The following AIG1 variants were observed in gnomAD, a reference collection of about 807,000 sequenced individuals.
The protein encoded by AIG1 is androgen induced 1.
A neutral mutation model predicts 31.4 loss-of-function variants in AIG1; 23 were observed. That is an observed-to-expected ratio of 0.73 (90% confidence interval 0.53 to 1.04). The LOEUF (loss-of-function observed/expected upper bound fraction) is 1.04, where lower values mean the gene tolerates loss of function less well. AIG1 is among the 50% of genes least tolerant of loss of function. AIG1 has a pLI of 0.00. For synonymous variants in AIG1, 100 were observed against 110.5 expected (o/e 0.90, Z 0.60); for missense variants, 274 against 295.0 (o/e 0.93, Z 0.52).
Position 143,293,800 on chromosome 6 carries a change from A to G in AIG1, c.515+9575A>G, listed in dbSNP as rs543476741. ...CCCACTCCCCAGCTTCCCTACAGCC[A>G]TGCCTACACCACTGCTTCTTTTCCC... On this transcript the variant is annotated intron_variant, in intron 4 of 5. Transcript: ENST00000357847. The surrounding 1 kb of genome is among the most constrained non-coding windows in gnomAD (Gnocchi z 4.8). 1.3e-5 allele frequency among the ~76,000 whole-genome samples: 2 copies of G among 152,174 alleles called. No homozygotes were observed. The highest frequency in any genetic ancestry group is 4.8e-5 in the African/African-American group (2 of 41,512).
At chr6:143,238,525 C>G (rs985769886) in intron 3 of AIG1, among the ~76,000 whole-genome samples, 1 of 152,174 alleles carries the variant, frequency 6.6e-6, no homozygotes, top group Non-Finnish European at 1.5e-5. Context: ...CCAATCATAA[C>G]TTGTCCTTTG....
intron 2 of AIG1, among the ~76,000 whole-genome samples, chr6:143,163,911 G>A (rs1317886957): frequency 6.6e-6 from 1 of 151,960 alleles, no homozygotes; most frequent in Non-Finnish European, 1.5e-5. Flanking sequence ...CCTGTTACAT[G>A]TCTCAGGCAG....
chr6:143,337,046 G>C (rs1312984974), intron 5 of AIG1, among the ~76,000 whole-genome samples: 2 of 152,188 alleles, frequency 1.3e-5, no homozygotes, highest in African/African-American at 4.8e-5. Flanking sequence ...GGGCTCACAG[G>C]GGAGGGGATG....
chr6:143,116,864 A>G (rs886411603), intron 1 of AIG1, among the ~76,000 whole-genome samples: 7 of 151,970 alleles, frequency 4.6e-5, no homozygotes, highest in African/African-American at 1.7e-4. Context: ...CACCCTCTCC[A>G]TAATGACCTC....
intron 1 of AIG1, among the ~76,000 whole-genome samples, chr6:143,104,756 T>G (rs755309986): frequency 2.6e-5 from 4 of 151,886 alleles, no homozygotes; most frequent in Admixed American, 6.6e-5. Flanking sequence ...AATAAAAAAT[T>G]AGCTGAGCAT....
intron 3 of AIG1, among the ~76,000 whole-genome samples, chr6:143,170,654 A>G (rs1787417547): frequency 6.8e-6 from 1 of 147,094 alleles, no homozygotes; most frequent in African/African-American, 2.5e-5. Flanking sequence ...GGTATTTATT[A>G]TTTCTTTCCT....
At chr6:143,229,982 C>G in intron 3 of AIG1, among the ~76,000 whole-genome samples, 1 of 152,104 alleles carries the variant, frequency 6.6e-6, no homozygotes, top group East Asian at 1.9e-4. Flanking sequence ...AAATGTGATC[C>G]TGAGCTCATA....
At chr6:143,076,126 T>C (rs1197300699) in intron 1 of AIG1, among the ~76,000 whole-genome samples, 1 of 152,222 alleles carries the variant, frequency 6.6e-6, no homozygotes, top group African/African-American at 2.4e-5. Flanking sequence ...TCTTGCTTGT[T>C]TTCTGGGTCT....
At chr6:143,269,617 C>A (rs923468559) in intron 3 of AIG1, among the ~76,000 whole-genome samples, 5 of 152,186 alleles carry the variant, frequency 3.3e-5, no homozygotes, top group African/African-American at 1.2e-4. Flanking sequence ...ATTATAGTCA[C>A]ACAATGGAGT....
At chr6:143,276,999 A>C (rs1344030268) in intron 3 of AIG1, among the ~76,000 whole-genome samples, 2 of 152,168 alleles carry the variant, frequency 1.3e-5, no homozygotes, top group African/African-American at 4.8e-5. Flanking sequence ...GTTTTCCTGT[A>C]TTCTTCGAAC....
chr6:143,322,291 A>C (rs1331681137), intron 4 of AIG1, among the ~76,000 whole-genome samples: 2 of 152,182 alleles, frequency 1.3e-5, no homozygotes, highest in Non-Finnish European at 2.9e-5. Flanking sequence ...AGAGAGAGAC[A>C]CTGAAGATAA....
intron 1 of AIG1, among the ~76,000 whole-genome samples, chr6:143,064,628 C>A (rs1022383281): frequency 6.6e-6 from 1 of 152,182 alleles, no homozygotes; most frequent in Non-Finnish European, 1.5e-5. Context: ...AAACTTAACT[C>A]TTTTTGTACT....
chr6:143,318,978 G>A (rs958996449), intron 4 of AIG1, among the ~76,000 whole-genome samples: 1 of 152,026 alleles, frequency 6.6e-6, no homozygotes, highest in Admixed American at 6.6e-5. Flanking sequence ...AAAAATAATA[G>A]ATGTTGGCCT....
At position 143,136,988 on chromosome 6, in the gene AIG1, G is replaced by T; in HGVS notation, c.295G>T (p.Val99Phe). ...MLAVLAFPVG[V>F]FVVAVFWIIY... The stretch of plus-strand genomic sequence containing the variant: ...AGCTGTGTTGGCCTTTCCTGTTGGG[G>T]TTGTGAGTATGATGGAGGATGCATT... Residue 99 changes from valine to phenylalanine, a missense_variant and splice_region_variant, in exon 2 of 6, where the codon GTT becomes TTT. Transcript: ENST00000357847. The T allele has an allele frequency of 2.8e-6, 4 of 1,417,164 alleles. No individual in the cohort carries two copies. Among genetic ancestry groups the T allele is most frequent in the Middle Eastern group, 1.9e-4 (1 of 5,324 alleles). The allele number at this position is 1,417,164 out of a possible 1,614,324, so 87.8% of individuals were successfully genotyped here. A position where few individuals can be genotyped will look rare whatever the true frequency, so the allele number is the denominator to read the frequency against.
chr6:143,151,037 C>T (rs1012281251), intron 2 of AIG1, among the ~76,000 whole-genome samples: 1 of 152,130 alleles, frequency 6.6e-6, no homozygotes, highest in Non-Finnish European at 1.5e-5. Flanking sequence ...ATTGCAGACT[C>T]GTGGACAGTA....
At chr6:143,092,552 G>C (rs1583148540) in intron 1 of AIG1, among the ~76,000 whole-genome samples, 1 of 152,180 alleles carries the variant, frequency 6.6e-6, no homozygotes, top group Non-Finnish European at 1.5e-5. Context: ...TGGGTGACTA[G>C]GTGCATTGTC....
intron 4 of AIG1, among the ~76,000 whole-genome samples, chr6:143,323,675 C>T (rs929444021): frequency 2.6e-5 from 4 of 152,100 alleles, no homozygotes; most frequent in South Asian, 2.1e-4. Flanking sequence ...ATTCCTGGGA[C>T]CTACAGGCTG....
chr6:143,169,390 CAA>C (rs1787277605), intron 3 of AIG1, among the ~76,000 whole-genome samples: 1 of 152,034 alleles, frequency 6.6e-6, no homozygotes, highest in South Asian at 2.1e-4. Flanking sequence ...GTGTAATGGC[CAA>C]ATCAGGGTAA....
chr6:143,310,842 C>A (rs1426325139), intron 4 of AIG1, among the ~76,000 whole-genome samples: 1 of 151,632 alleles, frequency 6.6e-6, no homozygotes, highest in Admixed American at 6.6e-5. Context: ...ATTTGATAAT[C>A]TAGATAAAAT....
Sources: allele counts gnomAD v4.1 joint callset (sites outside exome capture counted in the v4.1 genomes callset), GRCh38; gene constraint gnomAD v4.1.1; non-coding constraint Gnocchi (gnomAD v3.1); transcripts MANE v1.5; gene names NCBI Gene and HGNC (gene_info 2026-07-23, HGNC 2026-07-21).